The following SULT4A1 variants were observed in gnomAD, a reference collection of about 807,000 sequenced individuals.
The protein encoded by SULT4A1 is sulfotransferase 4A1.
A neutral mutation model predicts 35.2 loss-of-function variants in SULT4A1; 11 were observed. The observed-to-expected ratio is 0.31, with a 90% CI of 0.20 to 0.52. The LOEUF (loss-of-function observed/expected upper bound fraction) is 0.52, where lower values mean the gene tolerates loss of function less well. Ranked by LOEUF, SULT4A1 falls within the 20% of genes least tolerant of loss-of-function variation. SULT4A1 has a pLI of 0.97. For synonymous variants in SULT4A1, 152 were observed against 151.8 expected (o/e 1.00, Z -0.01); for missense variants, 271 against 383.7 (o/e 0.71, Z 2.45).
rs959695329 is a variant in SULT4A1 at position 43,826,644 on chromosome 22, A to G, written c.743-531T>C. ...TGAAAAGGAAAAAAAAATCATTCAAAGTGCAGAAAATTTTACACTAAGTAG... is the reference window on the plus strand; with the variant it reads ...TGAAAAGGAAAAAAAAATCATTCAAGGTGCAGAAAATTTTACACTAAGTAG... On this transcript the variant is annotated intron_variant, in intron 6 of 6. Coordinates refer to ENST00000330884, the MANE Select transcript of SULT4A1 (RefSeq NM_014351.4). 4.1e-6 allele frequency: 4 copies of G among 985,358 alleles called. No individual in the cohort carries two copies. In the African/African-American group the frequency reaches 5.2e-5, roughly 13 times the overall value. The allele number at this position is 985,358 out of a possible 1,614,324, so 61.0% of individuals were successfully genotyped here.
intron 5 of SULT4A1, among the ~76,000 whole-genome samples, chr22:43,831,383 A>C (rs2063324949): frequency 6.6e-6 from 1 of 151,434 alleles, no homozygotes; most frequent in Non-Finnish European, 1.5e-5. Flanking sequence ...TGGGCAGTGC[A>C]TGTTCAATGC....
At chr22:43,858,740 T>TG (rs2049432096) in intron 1 of SULT4A1, among the ~76,000 whole-genome samples, 1 of 151,028 alleles carries the variant, frequency 6.6e-6, no homozygotes, top group African/African-American at 2.4e-5. Context: ...CCCCCTCCTG[T>TG]GGGTGGTTTC....
rs1321217660 is a variant in SULT4A1, at chr22:43,862,483, C to A, written c.-101G>T. On this transcript the variant is annotated 5_prime_UTR_variant, in exon 1 of 7. Transcript: ENST00000330884. Reference sequence around the variant, plus strand: ...CGCCCCGCACACGCTCGCGCCCCACCGGCGCGCGGCGGCAGCTCCGCAGGC... The same window carrying A: ...CGCCCCGCACACGCTCGCGCCCCACAGGCGCGCGGCGGCAGCTCCGCAGGC... The A allele has an allele frequency of 1.1e-6, 1 of 952,208 alleles. No individual in the cohort carries two copies. Among genetic ancestry groups the A allele is most frequent in the South Asian group, 4.7e-5 (1 of 21,276 alleles). The allele number at this position is 952,208 out of a possible 1,614,324, so 59.0% of individuals were successfully genotyped here.
chr22:43,841,149 C>T (rs1296464151), intron 2 of SULT4A1, among the ~76,000 whole-genome samples: 2 of 152,238 alleles, frequency 1.3e-5, no homozygotes, highest in Admixed American at 6.5e-5. Flanking sequence ...GCAAAATGGC[C>T]GTTCAGGCCC....
chr22:43,856,000 G>A (rs1362392369), intron 1 of SULT4A1, among the ~76,000 whole-genome samples: 1 of 152,216 alleles, frequency 6.6e-6, no homozygotes, highest in Non-Finnish European at 1.5e-5. Flanking sequence ...GTGAGCCCAT[G>A]TGACAGCACA....
chr22:43,842,975 A>ATATCTCTCTCTCTC (rs2063446208), intron 1 of SULT4A1, among the ~76,000 whole-genome samples: 1 of 144,482 alleles, frequency 6.9e-6, no homozygotes, highest in African/African-American at 2.6e-5. Flanking sequence ...AGTAAACAGC[A>ATATCTCTCTCTCTC]TCTCTCTCTC....
At chr22:43,851,562 G>A (rs1211836995) in intron 1 of SULT4A1, among the ~76,000 whole-genome samples, 2 of 152,084 alleles carry the variant, frequency 1.3e-5, no homozygotes, top group African/African-American at 4.8e-5. Context: ...TTCGGTGGGA[G>A]GTACAGGGCT....
chr22:43,834,283 G>A (rs1021304640), intron 4 of SULT4A1, among the ~76,000 whole-genome samples: 1 of 151,388 alleles, frequency 6.6e-6, no homozygotes, highest in African/African-American at 2.4e-5. Context: ...CACCCACACC[G>A]CGGCCCTGTG....
Position 43,829,130 on chromosome 22 carries a change from T to C in SULT4A1, c.672A>G (p.Glu224=), listed in dbSNP as rs1409918962. ...LGVSCDKAQL[E]ALTEHCHQLV... is the part of the protein sequence containing the mutation. Reference sequence around the variant, plus strand: ...GCTGGTGGCAGTGCTCCGTCAGGGCTTCCAGCTGGGCCTTGTCACAGGACA... The same window carrying C: ...GCTGGTGGCAGTGCTCCGTCAGGGCCTCCAGCTGGGCCTTGTCACAGGACA... The change falls in exon 6 of 7, where the codon GAA becomes GAG. Residue 224 remains glutamate, a synonymous_variant. Transcript: ENST00000330884. The C allele has an allele frequency of 1.3e-6, 2 of 1,559,758 alleles. No homozygotes were observed. Among genetic ancestry groups the C allele is most frequent in the African/African-American group, 2.7e-5 (2 of 73,264 alleles).
intron 6 of SULT4A1, among the ~76,000 whole-genome samples, chr22:43,828,062 C>T (rs1905131740): frequency 6.6e-6 from 1 of 152,202 alleles, no homozygotes; most frequent in South Asian, 2.1e-4. Context: ...AAGCTGAAGG[C>T]CTGACCTATG....
At chr22:43,852,270 G>A (rs1359278167) in intron 1 of SULT4A1, among the ~76,000 whole-genome samples, 2 of 151,864 alleles carry the variant, frequency 1.3e-5, no homozygotes, top group Non-Finnish European at 2.9e-5. Context: ...TGGGTCCAAG[G>A]GATCCTCCCA....
intron 1 of SULT4A1, among the ~76,000 whole-genome samples, chr22:43,844,238 G>A (rs1348666998): frequency 6.6e-6 from 1 of 152,214 alleles, no homozygotes; most frequent in African/African-American, 2.4e-5. Context: ...GCCCGCCAGT[G>A]GCCTGGTCAG....
intron 5 of SULT4A1, 117 bp from the exon 6 acceptor site, chr22:43,829,315 G>T: frequency 8.5e-7 from 1 of 1,179,882 alleles, no homozygotes; most frequent in Non-Finnish European, 1.2e-6. Context: ...CTTACTTAAT[G>T]CTCACAAGGC....
At chr22:43,837,574 G>A (rs993355335) in intron 4 of SULT4A1, among the ~76,000 whole-genome samples, 3 of 152,152 alleles carry the variant, frequency 2.0e-5, no homozygotes, top group African/African-American at 2.4e-5. Flanking sequence ...TTCAGGGTGC[G>A]GTCTGGGGCC....
At chr22:43,841,025 C>T (rs2148289786) in intron 2 of SULT4A1, among the ~76,000 whole-genome samples, 1 of 152,366 alleles carries the variant, frequency 6.6e-6, no homozygotes, top group African/African-American at 2.4e-5. Context: ...AAAGGCCGGG[C>T]CTGATGCTGT....
intron 6 of SULT4A1, chr22:43,827,652 C>T (rs1207146656): frequency 7.3e-7 from 1 of 1,365,668 alleles, no homozygotes; most frequent in African/African-American, 1.5e-5. Flanking sequence ...TAAAAGAAAA[C>T]AAATCAAAGA....
intron 6 of SULT4A1, among the ~76,000 whole-genome samples, chr22:43,827,948 G>A (rs576855225): frequency 6.6e-6 from 1 of 152,316 alleles, no homozygotes; most frequent in African/African-American, 2.4e-5. Context: ...TCCTCCTGAG[G>A]AGTCCACTGC....
intron 4 of SULT4A1, among the ~76,000 whole-genome samples, chr22:43,837,155 G>A (rs528306053): frequency 3.3e-5 from 5 of 152,332 alleles, no homozygotes; most frequent in Admixed American, 6.5e-5. Flanking sequence ...GGGGTCCAGC[G>A]GTCCTCAGTA....
chr22:43,833,909 C>G (rs2063344042), intron 4 of SULT4A1, among the ~76,000 whole-genome samples, 175 bp from the exon 5 acceptor site: 1 of 152,236 alleles, frequency 6.6e-6, no homozygotes, highest in Non-Finnish European at 1.5e-5. Context: ...CTTGAGCCAT[C>G]CCAGCCCTCC....
Sources: allele counts gnomAD v4.1 joint callset (sites outside exome capture counted in the v4.1 genomes callset), GRCh38; gene constraint gnomAD v4.1.1; transcripts MANE v1.5; gene names NCBI Gene and HGNC (gene_info 2026-07-23, HGNC 2026-07-21).